The following SYNE1 variants were observed in gnomAD, a reference collection of about 807,000 sequenced individuals.
The protein encoded by SYNE1 is nesprin-1.
A neutral mutation model predicts 1,111.0 loss-of-function variants in SYNE1; 616 were observed. That is an observed-to-expected ratio of 0.55 (90% confidence interval 0.52 to 0.59). The LOEUF (loss-of-function observed/expected upper bound fraction) is 0.59, where lower values mean the gene tolerates loss of function less well. Ranked by LOEUF, SYNE1 falls within the 20% of genes least tolerant of loss-of-function variation. The pLI is 0.00. For missense variants in SYNE1, 10,006 were observed against 10,417.0 expected (o/e 0.96, Z 1.72); for synonymous variants, 3,855 against 3,825.8 (o/e 1.01, Z -0.28).
Position 152,369,385 on chromosome 6 carries a change from A to G in SYNE1, c.9651+86T>C, listed in dbSNP as rs74587774. On this transcript the variant is annotated intron_variant, in intron 60 of 145. Coordinates refer to ENST00000367255, the MANE Select transcript of SYNE1 (RefSeq NM_182961.4). The stretch of plus-strand genomic sequence containing the variant: ...GTCTCACGGCAGCACAGTCTAACTC[A>G]AGGGTGCTGAGCATGCATCTGTAAG... 783 of 1,589,908 alleles carry G rather than the reference A, an allele frequency of 4.9e-4. 5 individuals carry two copies. In the African/African-American group the frequency reaches 9.7e-3, roughly 20 times the overall value.
chr6:152,254,976 C>T lies in SYNE1; in HGVS notation c.19374G>A (p.Leu6458=), dbSNP rs756669728. ...AGGATAACCTGCCCAAAAGACAACC[C>T]AAAGTATCTTCAATAACATCTCGAT... ...GDNRDVIEDT[L]GCLLGRLSLL... is the part of the protein sequence containing the mutation. Residue 6458 remains leucine (L), a synonymous_variant, in exon 104 of 146, where the codon TTG becomes TTA. Coordinates refer to ENST00000367255, the MANE Select transcript of SYNE1 (RefSeq NM_182961.4). 20 of 1,613,884 alleles carry T rather than the reference C, an allele frequency of 1.2e-5. No homozygotes were observed. Among genetic ancestry groups the T allele is most frequent in the African/African-American group, 4.0e-5 (3 of 74,924 alleles).
chr6:152,523,783 G>A (rs1447171622), intron 5 of SYNE1, among the ~76,000 whole-genome samples: 1 of 151,838 alleles, frequency 6.6e-6, no homozygotes, highest in Middle Eastern at 3.2e-3. Context: ...GATTAAATAT[G>A]TTCCTAGATA....
In SYNE1 at chr6:152,219,070, T is replaced by A. The variant is rs745463378; in HGVS notation, c.21977A>T (p.Gln7326Leu). 12 of 1,614,070 alleles carry A rather than the reference T, an allele frequency of 7.4e-6. No homozygotes were observed. The African/African-American group carries it at 8.0e-5, about 11-fold the overall frequency. Residue 7326 changes from glutamine (Q) to leucine (L), a missense_variant, in exon 120 of 146, where the codon CAA becomes CTA. Coordinates refer to ENST00000367255, the MANE Select transcript of SYNE1 (RefSeq NM_182961.4). ...ASAASAIQSDQLSLSQHLCAL... is the reference protein window; with the variant it reads ...ASAASAIQSDLLSLSQHLCAL... ...ACACAAGTGTTGACTCAAAGAGAGT[T>A]GATCCGATTGAATAGCTGATGCTGC...
intron 62 of SYNE1, among the ~76,000 whole-genome samples, chr6:152,366,426 C>A (rs924959057): frequency 3.3e-5 from 5 of 152,076 alleles, no homozygotes; most frequent in African/African-American, 1.2e-4. Flanking sequence ...CTTTGGGAGG[C>A]CAAGGCAAGA....
At chr6:152,557,137 C>A (rs1027884075) in intron 3 of SYNE1, among the ~76,000 whole-genome samples, 1 of 151,942 alleles carries the variant, frequency 6.6e-6, no homozygotes, top group African/African-American at 2.4e-5. Flanking sequence ...AACAAAAATT[C>A]TGGAGCTGAC....
intron 129 of SYNE1, among the ~76,000 whole-genome samples, chr6:152,179,841 C>A (rs533625890): frequency 6.6e-6 from 1 of 151,684 alleles, no homozygotes; most frequent in Non-Finnish European, 1.5e-5. Context: ...CGCACCACCA[C>A]GCCAGGCTAA....
intron 128 of SYNE1, among the ~76,000 whole-genome samples, chr6:152,188,441 G>A (rs1207256321): frequency 1.3e-5 from 2 of 152,004 alleles, no homozygotes; most frequent in Non-Finnish European, 2.9e-5. Flanking sequence ...TGTGCACATA[G>A]AAGGTATTTA....
intron 81 of SYNE1, 128 bp downstream of exon 81, chr6:152,324,956 G>T (rs1170925359): frequency 1.8e-6 from 2 of 1,129,144 alleles, no homozygotes; most frequent in Non-Finnish European, 2.6e-6. Context: ...TTATGTCACT[G>T]AAACAGATTT....
intron 32 of SYNE1, among the ~76,000 whole-genome samples, chr6:152,438,363 T>C (rs1336992331): frequency 6.6e-6 from 1 of 152,194 alleles, no homozygotes; most frequent in Non-Finnish European, 1.5e-5. Context: ...CTTATATACA[T>C]TCAATTTTAG....
intron 39 of SYNE1, among the ~76,000 whole-genome samples, chr6:152,425,133 T>C (rs113754197): frequency 6.6e-6 from 1 of 152,202 alleles, no homozygotes; most frequent in African/African-American, 2.4e-5. Context: ...AATCCTACCG[T>C]CTTTAATCTA....
chr6:152,141,356 T>C (rs960533212), intron 138 of SYNE1, 27 bp from the exon 139 acceptor site: 1 of 1,612,974 alleles, frequency 6.2e-7, no homozygotes, highest in Non-Finnish European at 8.5e-7. Context: ...AACCGGCCCC[T>C]GTCACCCAAA....
At chr6:152,305,413 C>A (rs986411068) in intron 91 of SYNE1, among the ~76,000 whole-genome samples, 1 of 151,944 alleles carries the variant, frequency 6.6e-6, no homozygotes, top group African/African-American at 2.4e-5. Context: ...CTACAGACAC[C>A]CGTCACCACC....
intron 3 of SYNE1, among the ~76,000 whole-genome samples, chr6:152,607,500 C>T (rs535817354): frequency 6.6e-6 from 1 of 152,078 alleles, no homozygotes; most frequent in South Asian, 2.1e-4. Context: ...GATATCATCT[C>T]ATGCCAGTCA....
intron 6 of SYNE1, among the ~76,000 whole-genome samples, chr6:152,517,767 G>C (rs1014504253): frequency 1.3e-5 from 2 of 152,034 alleles, no homozygotes; most frequent in African/African-American, 4.8e-5. Flanking sequence ...AGAAAGACGG[G>C]GATATATGAA....
chr6:152,626,596 T>C (rs1277378928), intron 3 of SYNE1, among the ~76,000 whole-genome samples: 2 of 152,208 alleles, frequency 1.3e-5, no homozygotes, highest in Admixed American at 1.3e-4. Flanking sequence ...GGAAAAGGTC[T>C]AGACCCATCT....
chr6:152,371,926 AGGAC>A (rs1563463442), intron 59 of SYNE1, among the ~76,000 whole-genome samples: 910 of 64,116 alleles, frequency 0.014, 90 homozygotes, highest in African/African-American at 0.041. Flanking sequence ...AGGAAAGGAC[AGGAC>A]AGGACAGGAA....
chr6:152,510,110 T>C, intron 8 of SYNE1, 83 bp downstream of exon 8: 1 of 1,359,502 alleles, frequency 7.4e-7, no homozygotes, highest in Non-Finnish European at 1.0e-6. Flanking sequence ...CTCTTCACAT[T>C]TCGCAATCAT....
In SYNE1 at chr6:152,132,026, G is replaced by A; in HGVS notation, c.26094+96C>T. The A allele has an allele frequency of 4.4e-6, 5 of 1,131,990 alleles. No homozygotes were observed. The African/African-American group carries it at 4.6e-5, about 10-fold the overall frequency. The allele number at this position is 1,131,990 out of a possible 1,614,324, so 70.1% of individuals were successfully genotyped here. On this transcript the variant is annotated intron_variant, in intron 144 of 145. Coordinates refer to ENST00000367255, the MANE Select transcript of SYNE1 (RefSeq NM_182961.4). Reference sequence around the variant, plus strand: ...CTGTGTGACAGCCCTCCTCTGGAGGGGACGCCTGCCTGTGAACCCTGTGGT... The same window carrying A: ...CTGTGTGACAGCCCTCCTCTGGAGGAGACGCCTGCCTGTGAACCCTGTGGT...
chr6:152,462,273 A>G (rs566309739), intron 20 of SYNE1, among the ~76,000 whole-genome samples: 20 of 152,270 alleles, frequency 1.3e-4, no homozygotes, highest in African/African-American at 4.8e-4. Context: ...AATTTTTACA[A>G]AGACAAAAGA....
Sources: gnomAD v4.1 joint callset for allele counts (sites outside exome capture counted in the v4.1 genomes callset) on GRCh38, gnomAD v4.1.1 for gene constraint, MANE v1.5 for transcripts, NCBI Gene and HGNC (gene_info 2026-07-23, HGNC 2026-07-21) for gene names.